Variants in NRXN1 observed in about 807,000 individuals in gnomAD.
The protein encoded by NRXN1 is neurexin-1.
NRXN1 carries 39 observed loss-of-function variants against 150.9 expected under a neutral mutation model. The observed-to-expected ratio is 0.26, with a 90% CI of 0.20 to 0.34. The LOEUF (loss-of-function observed/expected upper bound fraction) is 0.34, where lower values mean the gene tolerates loss of function less well. Among genes scored for constraint, NRXN1 ranks in the 10% least tolerant of loss-of-function variants. The probability of loss-of-function intolerance (pLI) is 1.00; values close to 1 mark genes in which losing one functional copy is unlikely to be tolerated. For missense variants in NRXN1, 1,815 were observed against 1,949.9 expected (o/e 0.93, Z 1.30); for synonymous variants, 924 against 757.0 (o/e 1.22, Z -3.62).
rs985693006 is a variant in NRXN1, at chr2:50,131,821, G to A, written c.3547-40327C>T. ...GGACTTTTGTAGGAAAAAAACAGAG[G>A]GACAAACAAAGGCCACCTAGGTAGT... On this transcript the variant is annotated intron_variant, in intron 18 of 22. Coordinates refer to ENST00000401669, the MANE Select transcript of NRXN1 (RefSeq NM_001330078.2). Among the ~76,000 whole-genome samples the A allele has an allele frequency of 2.6e-5, 4 of 152,106 alleles. No homozygotes were observed. The East Asian group carries it at 7.7e-4, about 29-fold the overall frequency.
intron 5 of NRXN1, among the ~76,000 whole-genome samples, chr2:50,817,849 T>C (rs962652084): frequency 3.9e-5 from 6 of 151,918 alleles, no homozygotes; most frequent in Non-Finnish European, 1.5e-5. Flanking sequence ...GAAAAATTAC[T>C]TCAACATAAT....
At chr2:49,935,715 T>C (rs1045850731) in intron 22 of NRXN1, among the ~76,000 whole-genome samples, 8 of 152,186 alleles carry the variant, frequency 5.3e-5, no homozygotes, top group African/African-American at 1.9e-4. Flanking sequence ...TTACCTCTGA[T>C]ATCATCTGAG....
chr2:49,984,300 C>T (rs571048362), intron 21 of NRXN1, among the ~76,000 whole-genome samples: 1 of 152,300 alleles, frequency 6.6e-6, no homozygotes, highest in South Asian at 2.1e-4. Flanking sequence ...CCAGAATTCA[C>T]ATATTTTAAG....
chr2:50,018,195 A>G (rs751041637), intron 21 of NRXN1, among the ~76,000 whole-genome samples: 1 of 152,162 alleles, frequency 6.6e-6, no homozygotes, highest in Admixed American at 6.5e-5. Flanking sequence ...ACAAGTCACA[A>G]TGCTATTCCC....
rs868503280 is a variant in NRXN1, at chr2:50,595,685, A to T, written c.1320+24337T>A. On this transcript the variant is annotated intron_variant, in intron 8 of 22. Transcript: ENST00000401669. ...GAAGATTGGAAGGGCTGCCTCAGAA[A>T]ATGCATATCACTTGTAATTCTGCCA... Among the ~76,000 whole-genome samples the T allele has an allele frequency of 2.6e-5, 4 of 152,180 alleles. No homozygotes were observed. In the South Asian group the frequency reaches 8.3e-4, roughly 32 times the overall value.
chr2:50,686,851 T>C (rs1302967253), intron 5 of NRXN1, among the ~76,000 whole-genome samples: 2 of 152,200 alleles, frequency 1.3e-5, no homozygotes, highest in African/African-American at 2.4e-5. Context: ...TGCATGTAAA[T>C]GGGAATTAAT....
chr2:49,977,616 T>C (rs541606075), intron 21 of NRXN1, among the ~76,000 whole-genome samples: 1 of 152,128 alleles, frequency 6.6e-6, no homozygotes, highest in South Asian at 2.1e-4. Context: ...TTTAATAAGT[T>C]ACAGAAAACA....
At chr2:50,884,253 G>C (rs1679892009) in intron 5 of NRXN1, among the ~76,000 whole-genome samples, 1 of 151,614 alleles carries the variant, frequency 6.6e-6, no homozygotes, top group African/African-American at 2.4e-5. Context: ...CATATTGTTT[G>C]GTAAATGTTA....
At chr2:50,014,134 A>T (rs1028485806) in intron 21 of NRXN1, among the ~76,000 whole-genome samples, 6 of 151,378 alleles carry the variant, frequency 4.0e-5, no homozygotes, top group African/African-American at 1.5e-4. Context: ...AGAAATGAGT[A>T]TGGATGGAGA....
chr2:50,603,711 C>T (rs775987898), intron 8 of NRXN1, among the ~76,000 whole-genome samples: 1 of 152,100 alleles, frequency 6.6e-6, no homozygotes, highest in Non-Finnish European at 1.5e-5. Flanking sequence ...AACCACAGAA[C>T]TTAAATATTA....
At position 50,151,682 on chromosome 2, in the gene NRXN1, T is replaced by G. The variant is rs1029112800; in HGVS notation, c.3547-60188A>C. ...GCTGCCTGGGACTGGGTGTGGGAAC[T>G]GAGAATGACTAAAAATGGGTATGAG... is the stretch of plus-strand genomic sequence containing the variant. On this transcript the variant is annotated intron_variant, in intron 18 of 22. Transcript: ENST00000401669. Among the ~76,000 whole-genome samples the G allele has an allele frequency of 4.6e-5, 7 of 151,926 alleles. No individual in the cohort carries two copies. In the South Asian group the frequency reaches 8.3e-4, roughly 18 times the overall value.
At chr2:50,332,185 G>A (rs1379342685) in intron 17 of NRXN1, among the ~76,000 whole-genome samples, 1 of 152,134 alleles carries the variant, frequency 6.6e-6, no homozygotes, top group Non-Finnish European at 1.5e-5. Context: ...ATTTATTATA[G>A]CTTGAAAATC....
chr2:50,971,524 G>A (rs935629359), intron 2 of NRXN1, among the ~76,000 whole-genome samples: 6 of 151,700 alleles, frequency 4.0e-5, no homozygotes, highest in Admixed American at 2.0e-4. Flanking sequence ...AGGAGGTTGC[G>A]GTGAGCCGAG....
chr2:50,006,221 C>T (rs1198971865), intron 21 of NRXN1, among the ~76,000 whole-genome samples: 1 of 152,044 alleles, frequency 6.6e-6, no homozygotes, highest in Non-Finnish European at 1.5e-5. Flanking sequence ...CACAATATTC[C>T]CACTTCCATT....
At chr2:50,169,725 A>AG (rs1469264979) in intron 18 of NRXN1, among the ~76,000 whole-genome samples, 1 of 134,820 alleles carries the variant, frequency 7.4e-6, no homozygotes, top group African/African-American at 3.7e-5. Context: ...AAAAAAAAAA[A>AG]AAAGAAAGAA....
At chr2:50,985,358 T>C (rs1008501838) in intron 2 of NRXN1, 1 of 151,830 alleles carries the variant, frequency 6.6e-6, no homozygotes, top group Non-Finnish European at 1.5e-5. Flanking sequence ...TACTGAGAAA[T>C]GGGAATAAAA....
At chr2:50,828,496 C>T (rs1034893910) in intron 5 of NRXN1, among the ~76,000 whole-genome samples, 1 of 151,424 alleles carries the variant, frequency 6.6e-6, no homozygotes. Flanking sequence ...GGCGGAGGGT[C>T]TCCTCCCTTC....
At chr2:50,027,400 TCCTC>T (rs1216229000) in intron 21 of NRXN1, among the ~76,000 whole-genome samples, 10 of 146,608 alleles carry the variant, frequency 6.8e-5, no homozygotes, top group Non-Finnish European at 7.5e-5. Flanking sequence ...CTTCCTTCCT[TCCTC>T]CCTCCCTCCC....
chr2:50,020,915 T>A (rs1206785276), intron 21 of NRXN1, among the ~76,000 whole-genome samples: 1 of 152,216 alleles, frequency 6.6e-6, no homozygotes, highest in African/African-American at 2.4e-5. Flanking sequence ...TCAATTTTTC[T>A]AGAAAAAGAA....
Sources: allele counts gnomAD v4.1 joint callset (sites outside exome capture counted in the v4.1 genomes callset), GRCh38; gene constraint gnomAD v4.1.1; transcripts MANE v1.5; gene names NCBI Gene and HGNC (gene_info 2026-07-23, HGNC 2026-07-21).